Variants in PER2 observed in about 807,000 individuals in gnomAD.
The protein encoded by PER2 is period circadian regulator 2, also known as period circadian protein homolog 2.
Under a neutral mutation model 121.0 loss-of-function variants are expected in PER2, and 66 were observed. The observed-to-expected ratio is 0.55, with a 90% CI of 0.45 to 0.67. PER2 has a LOEUF of 0.67. Among genes scored for constraint, PER2 ranks in the 30% least tolerant of loss-of-function variants. The pLI is 0.00. For missense variants in PER2, 1,521 were observed against 1,635.0 expected (o/e 0.93, Z 1.20); for synonymous variants, 684 against 659.9 (o/e 1.04, Z -0.56).
In PER2 at chr2:238,271,437, T is replaced by C. The variant is rs1696282810; in HGVS notation, c.647A>G (p.His216Arg). The change falls in exon 6 of 23, where the codon CAC becomes CGC. Residue 216 changes from histidine to arginine, a missense_variant. Transcript: ENST00000254657. ...ATCGCTGAAGGCATCTCTTTTACAG[T>C]GAAATATGGATGCAACCTGGTCAGA... ...YISDQVASIF[H>R]CKRDAFSDAK... 1 of 1,613,900 alleles carries C rather than the reference T, an allele frequency of 6.2e-7. No individual in the cohort carries two copies.
chr2:238,295,852 G>A, the PER2 span: 1 of 195,780 alleles, frequency 5.1e-6, no homozygotes. Context: ...GGACTGTTGG[G>A]GTGCACAGAG....
chr2:238,280,744 G>A (rs1696604015), intron 1 of PER2, among the ~76,000 whole-genome samples: 1 of 152,098 alleles, frequency 6.6e-6, no homozygotes. Flanking sequence ...AAAGAGACGA[G>A]AACAATAAAA....
chr2:238,264,446 C>T (rs1696034746), intron 9 of PER2, among the ~76,000 whole-genome samples: 1 of 152,120 alleles, frequency 6.6e-6, no homozygotes, highest in Admixed American at 6.5e-5. Flanking sequence ...GCCCTGACTC[C>T]AAGGATGGGG....
intron 13 of PER2, among the ~76,000 whole-genome samples, chr2:238,260,274 T>A (rs978784669): frequency 3.3e-5 from 5 of 151,628 alleles, no homozygotes; most frequent in Non-Finnish European, 5.9e-5. Flanking sequence ...TTTTTTTTTT[T>A]AAGACAGAGT....
At chr2:238,294,255 C>T (rs1215582581), upstream of PER2, among the ~76,000 whole-genome samples, 1 of 152,222 alleles carries the variant, frequency 6.6e-6, no homozygotes, top group African/African-American at 2.4e-5. Context: ...GTGCGTCCTG[C>T]AAGGCTGTTG....
intron 1 of PER2, among the ~76,000 whole-genome samples, chr2:238,279,833 C>T (rs188010055): frequency 4.5e-4 from 68 of 152,234 alleles, no homozygotes; most frequent in Admixed American, 3.6e-3. Flanking sequence ...AGTGAAGGTG[C>T]GTCCGGCTGC....
At chr2:238,265,384 T>C in intron 9 of PER2, 128 bp downstream of exon 9, 1 of 678,500 alleles carries the variant, frequency 1.5e-6, no homozygotes, top group Non-Finnish European at 2.7e-6. Context: ...AATTATTTCA[T>C]TGCCTGTATA....
chr2:238,279,006 C>G (rs1376064963), intron 1 of PER2, among the ~76,000 whole-genome samples: 1 of 151,954 alleles, frequency 6.6e-6, no homozygotes, highest in Non-Finnish European at 1.5e-5. Flanking sequence ...AAATTAGAGA[C>G]AGACCAGCGA....
At chr2:238,255,986 A>C in intron 17 of PER2, 75 bp from the exon 18 acceptor site, 1 of 1,551,018 alleles carries the variant, frequency 6.4e-7, no homozygotes, top group Non-Finnish European at 8.9e-7. Context: ...ATATTCACGA[A>C]CAAGACAAAT....
At chr2:238,275,632 G>T in intron 4 of PER2, 111 bp downstream of exon 4, 1 of 1,189,826 alleles carries the variant, frequency 8.4e-7, no homozygotes, top group South Asian at 1.2e-5. Flanking sequence ...AGGCTGCAGT[G>T]AGCTGCGATG....
At position 238,245,536 on chromosome 2, in the gene PER2, G is replaced by A. The variant is rs1695423775; in HGVS notation, c.*839C>T. On this transcript the variant is annotated 3_prime_UTR_variant, in exon 23 of 23. Coordinates refer to ENST00000254657, the MANE Select transcript of PER2 (RefSeq NM_022817.3). ...CCAAACAGGACTGGGTCTCACATGTGTTGGTCACAGCCTGGTTTGCAAAGG... is the reference window on the plus strand; with the variant it reads ...CCAAACAGGACTGGGTCTCACATGTATTGGTCACAGCCTGGTTTGCAAAGG... 5.0e-6 allele frequency: 2 copies of A among 398,600 alleles called. No homozygotes were observed. Among genetic ancestry groups the A allele is most frequent in the Non-Finnish European group, 8.8e-6 (2 of 226,076 alleles). The allele number at this position is 398,600 out of a possible 1,614,324, so 24.7% of individuals were successfully genotyped here.
chr2:238,282,530 C>T (rs149714185), intron 1 of PER2, among the ~76,000 whole-genome samples: 1 of 152,308 alleles, frequency 6.6e-6, no homozygotes, highest in Non-Finnish European at 1.5e-5. Flanking sequence ...GGATAGAGGC[C>T]AGAAAGACTG....
intron 1 of PER2, among the ~76,000 whole-genome samples, chr2:238,280,032 G>A (rs1696583556): frequency 3.3e-5 from 5 of 152,218 alleles, no homozygotes; most frequent in Admixed American, 3.3e-4. Flanking sequence ...AACGGACACA[G>A]GAACAGAAAT....
chr2:238,269,647 C>T (rs1696225408), intron 6 of PER2, among the ~76,000 whole-genome samples: 1 of 151,612 alleles, frequency 6.6e-6, no homozygotes, highest in Admixed American at 6.6e-5. Flanking sequence ...AACACACCAA[C>T]TAACCTACAA....
chr2:238,258,159 A>G, intron 16 of PER2, 117 bp downstream of exon 16: 13 of 1,167,870 alleles, frequency 1.1e-5, no homozygotes, highest in South Asian at 2.5e-5. Context: ...TACTTTCATC[A>G]TTTGAAAAAC....
At chr2:238,273,824 C>T (rs1011124696) in intron 4 of PER2, among the ~76,000 whole-genome samples, 3 of 152,204 alleles carry the variant, frequency 2.0e-5, no homozygotes, top group Admixed American at 6.5e-5. Context: ...CGTGCCACCA[C>T]GCCCAGCTAA....
chr2:238,261,651 A>G (rs1280475919), intron 12 of PER2, 78 bp downstream of exon 12: 1 of 893,404 alleles, frequency 1.1e-6, no homozygotes, highest in Non-Finnish European at 1.8e-6. Context: ...TGCCAGGACC[A>G]GGGTTCAGAG....
intron 1 of PER2, among the ~76,000 whole-genome samples, chr2:238,284,912 A>G (rs1164026128): frequency 1.3e-5 from 2 of 151,836 alleles, no homozygotes. Flanking sequence ...TCCCTGTCAA[A>G]GTGGACTTTG....
rs753443069 is a variant in PER2 at position 238,256,962 on chromosome 2, G to A, written c.2025C>T (p.Thr675=). 6.2e-7 allele frequency: 1 copy of A among 1,614,088 alleles called. No individual in the cohort carries two copies. The highest frequency in any genetic ancestry group is 8.5e-7 in the Non-Finnish European group (1 of 1,180,012). ...SLTSQCSYSS[T]IVHVGDKKPQ... Reference sequence around the variant, plus strand: ...GCTTCTTGTCTCCCACATGGACGATGGTGCTGCTGTAGCTGCACTGGCTGG... The same window carrying A: ...GCTTCTTGTCTCCCACATGGACGATAGTGCTGCTGTAGCTGCACTGGCTGG... The change falls in exon 17 of 23, where the codon ACC becomes ACT. Residue 675 remains threonine (T), a synonymous_variant. Transcript: ENST00000254657.
Sources: gnomAD v4.1 joint callset for allele counts (sites outside exome capture counted in the v4.1 genomes callset) on GRCh38, gnomAD v4.1.1 for gene constraint, MANE v1.5 for transcripts, NCBI Gene and HGNC (gene_info 2026-07-23, HGNC 2026-07-21) for gene names.